Variants in SEZ6L observed in about 807,000 individuals in gnomAD.
SEZ6L encodes seizure 6-like protein.
Under a neutral mutation model 106.2 loss-of-function variants are expected in SEZ6L, and 37 were observed. The observed-to-expected ratio is 0.35, with a 90% confidence interval of 0.27 to 0.46. SEZ6L has a LOEUF of 0.46. Among genes scored for constraint, SEZ6L ranks in the 20% least tolerant of loss-of-function variants. The probability of loss-of-function intolerance (pLI) is 1.00; values close to 1 mark genes in which losing one functional copy is unlikely to be tolerated. For missense variants in SEZ6L, 1,172 were observed against 1,332.8 expected, an observed-to-expected ratio of 0.88 and a Z score of 1.88; for synonymous variants, 541 against 570.4, an observed-to-expected ratio of 0.95 and a Z score of 0.73.
chr22:26,300,749 G>C (rs1408789342), intron 5 of SEZ6L, among the ~76,000 whole-genome samples: 2 of 152,170 alleles, frequency 1.3e-5, no homozygotes, highest in Non-Finnish European at 2.9e-5. Flanking sequence ...CACAATGGTT[G>C]AACTAGTTTA....
intron 1 of SEZ6L, among the ~76,000 whole-genome samples, chr22:26,174,740 T>C (rs1252155770): frequency 6.6e-6 from 1 of 152,098 alleles, no homozygotes; most frequent in African/African-American, 2.4e-5. Context: ...AGGACTGCTT[T>C]GAGGAAAGGG....
intron 1 of SEZ6L, among the ~76,000 whole-genome samples, chr22:26,261,823 G>C (rs959734987): frequency 6.6e-6 from 1 of 152,144 alleles, no homozygotes. Context: ...GTGTGGTTCA[G>C]GCAAAATTGA....
At chr22:26,300,762 G>A (rs991472665) in intron 5 of SEZ6L, among the ~76,000 whole-genome samples, 2 of 152,232 alleles carry the variant, frequency 1.3e-5, no homozygotes, top group African/African-American at 4.8e-5. Context: ...CTAGTTTACA[G>A]TCCCACCAAC....
intron 7 of SEZ6L, 50 bp from the exon 8 acceptor site, chr22:26,311,718 G>A (rs750025584): frequency 3.3e-6 from 5 of 1,505,586 alleles, no homozygotes; most frequent in Middle Eastern, 1.7e-4. Flanking sequence ...ATAGCACCGT[G>A]GGGTAGTCCC....
Position 26,292,961 on chromosome 22 carries a change from A to C in SEZ6L, c.650A>C (p.Gln217Pro). ...SQPYVAHTLP[Q>P]RPEPGEPGPD... ...CCCTATGTGGCCCACACACTCCCCC[A>C]GAGGCCAGAACCCGGGGAGCCTGGG... The change falls in exon 2 of 17, where the codon CAG becomes CCG. Residue 217 changes from glutamine (Q) to proline (P), a missense_variant. Gln to Pro is a moderately conservative substitution (Grantham distance 76). Coordinates refer to ENST00000248933, the MANE Select transcript of SEZ6L (RefSeq NM_021115.5). 1 of 1,613,882 alleles carries C rather than the reference A, an allele frequency of 6.2e-7. No homozygotes were observed. The highest frequency in any genetic ancestry group is 8.5e-7 in the Non-Finnish European group (1 of 1,179,926).
At chr22:26,282,147 A>G (rs1252214483) in intron 1 of SEZ6L, among the ~76,000 whole-genome samples, 2 of 152,242 alleles carry the variant, frequency 1.3e-5, no homozygotes, top group East Asian at 3.9e-4. Flanking sequence ...GAAGATGTAC[A>G]AATAATTCTG....
chr22:26,373,534 A>C (rs756401181), intron 14 of SEZ6L, 51 bp downstream of exon 14: 4 of 1,410,730 alleles, frequency 2.8e-6, no homozygotes, highest in Non-Finnish European at 3.9e-6. Flanking sequence ...AACTAATAGC[A>C]CAAAACAAGG....
chr22:26,169,477 C>T lies in SEZ6L; in HGVS notation c.-193C>T. 1 of 340,202 alleles carries T rather than the reference C, an allele frequency of 2.9e-6. No individual in the cohort carries two copies. The highest frequency in any genetic ancestry group is 5.3e-6 in the Non-Finnish European group (1 of 189,164). 21.1% of individuals were successfully genotyped at this position (340,202 alleles called of 1,614,324 possible). On this transcript the variant is annotated 5_prime_UTR_variant, in exon 1 of 17. Coordinates refer to ENST00000248933, the MANE Select transcript of SEZ6L (RefSeq NM_021115.5). Reference sequence around the variant, plus strand: ...GCTCCTCCTCACTCGCCCGCCCGCGCCCGGCGCAGCTCGGCCAGAGCGACC... The same window carrying T: ...GCTCCTCCTCACTCGCCCGCCCGCGTCCGGCGCAGCTCGGCCAGAGCGACC...
At chr22:26,212,827 C>T (rs2078199251) in intron 1 of SEZ6L, among the ~76,000 whole-genome samples, 1 of 152,026 alleles carries the variant, frequency 6.6e-6, no homozygotes, top group Non-Finnish European at 1.5e-5. Context: ...CAAATGTGGT[C>T]CCTGGAGAAT....
chr22:26,229,075 CA>C (rs2078720895), intron 1 of SEZ6L, among the ~76,000 whole-genome samples: 1 of 152,228 alleles, frequency 6.6e-6, no homozygotes, highest in African/African-American at 2.4e-5. Context: ...TGGCTCACTG[CA>C]ACCTCTGCTT....
chr22:26,228,035 C>T (rs998400144), intron 1 of SEZ6L, among the ~76,000 whole-genome samples: 2 of 152,218 alleles, frequency 1.3e-5, no homozygotes, highest in Non-Finnish European at 1.5e-5. Context: ...AGGGAGCCTG[C>T]TTCCTCTACA....
intron 1 of SEZ6L, among the ~76,000 whole-genome samples, chr22:26,249,217 CAATT>C (rs149402129): frequency 1.8e-4 from 28 of 152,242 alleles, no homozygotes; most frequent in African/African-American, 6.7e-4. Flanking sequence ...TATATACAAT[CAATT>C]GTTAATTATA....
intron 13 of SEZ6L, among the ~76,000 whole-genome samples, chr22:26,373,078 C>T (rs1377438911): frequency 6.6e-6 from 1 of 152,228 alleles, no homozygotes; most frequent in Non-Finnish European, 1.5e-5. Flanking sequence ...CTTCACTTCT[C>T]TGAACCTCTG....
intron 10 of SEZ6L, among the ~76,000 whole-genome samples, chr22:26,343,919 T>C (rs1429079774): frequency 3.9e-5 from 6 of 152,214 alleles, no homozygotes; most frequent in Non-Finnish European, 8.8e-5. Context: ...TGAAAAGAAC[T>C]CCAAGGAGGT....
At chr22:26,186,762 G>A (rs78772542) in intron 1 of SEZ6L, among the ~76,000 whole-genome samples, 3,893 of 152,182 alleles carry the variant, frequency 0.026, 91 homozygotes, top group Non-Finnish European at 0.038. Flanking sequence ...GAAGGTTCAG[G>A]AGCCTGATTA....
intron 16 of SEZ6L, among the ~76,000 whole-genome samples, chr22:26,378,799 C>G (rs1049414633): frequency 4.6e-5 from 7 of 152,176 alleles, no homozygotes; most frequent in African/African-American, 1.7e-4. Flanking sequence ...GATGTGCAGC[C>G]ATCTCCCAAC....
chr22:26,219,260 T>TTTTC (rs2078390066), intron 1 of SEZ6L, among the ~76,000 whole-genome samples: 3 of 151,376 alleles, frequency 2.0e-5, no homozygotes, highest in Non-Finnish European at 4.4e-5. Context: ...ACAAGTTTTT[T>TTTTC]TTTTTTTTTT....
intron 1 of SEZ6L, among the ~76,000 whole-genome samples, chr22:26,179,225 C>T (rs1203350922): frequency 1.3e-5 from 2 of 152,034 alleles, no homozygotes; most frequent in South Asian, 4.1e-4. Context: ...CCCATCTGTA[C>T]AAAAAATTCT....
At chr22:26,254,646 C>CA in intron 1 of SEZ6L, among the ~76,000 whole-genome samples, 1 of 152,270 alleles carries the variant, frequency 6.6e-6, no homozygotes, top group East Asian at 1.9e-4. Flanking sequence ...ACATGTAAAA[C>CA]ACCCAACAGA....
Sources: allele counts gnomAD v4.1 joint callset (sites outside exome capture counted in the v4.1 genomes callset), GRCh38; gene constraint gnomAD v4.1.1; transcripts MANE v1.5; gene names NCBI Gene and HGNC (gene_info 2026-07-23, HGNC 2026-07-21).